MTHFD2L: variants seen among roughly 807,000 people sequenced by gnomAD.
MTHFD2L encodes the protein bifunctional methylenetetrahydrofolate dehydrogenase/cyclohydrolase 2, mitochondrial.
Under a neutral mutation model 34.9 loss-of-function variants are expected in MTHFD2L, and 29 were observed. That is an observed-to-expected ratio of 0.83 (90% CI 0.62 to 1.13). The LOEUF is 1.13. Ranked by LOEUF, MTHFD2L falls within the 50% of genes most tolerant of loss-of-function variation. The pLI is 0.00. For synonymous variants in MTHFD2L, 167 were observed against 155.7 expected (o/e 1.07, Z -0.54); for missense variants, 481 against 446.5 (o/e 1.08, Z -0.70).
At chr4:74,300,146 G>C (rs1038507065) in intron 7 of MTHFD2L, among the ~76,000 whole-genome samples, 2 of 152,000 alleles carry the variant, frequency 1.3e-5, no homozygotes, top group African/African-American at 4.8e-5. Context: ...TGTGCTTTCT[G>C]TATAGAGACG....
At chr4:74,224,346 C>A (rs1738798195) in intron 5 of MTHFD2L, among the ~76,000 whole-genome samples, 1 of 152,130 alleles carries the variant, frequency 6.6e-6, no homozygotes, top group Non-Finnish European at 1.5e-5. Flanking sequence ...CATTTCTTTG[C>A]TGCCTTTCTC....
At chr4:74,253,356 G>A (rs9992393) in intron 6 of MTHFD2L, among the ~76,000 whole-genome samples, 39,360 of 152,030 alleles carry the variant, frequency 0.26, 5,424 homozygotes, top group African/African-American at 0.35. Flanking sequence ...CTTCCTCACA[G>A]AAACATGAAT....
At chr4:74,163,526 G>T (rs1034589765) in intron 1 of MTHFD2L, among the ~76,000 whole-genome samples, 25 of 152,172 alleles carry the variant, frequency 1.6e-4, no homozygotes, top group African/African-American at 5.5e-4. Context: ...TAATGAAAAG[G>T]TATTTTACTT....
chr4:74,168,782 A>C (rs1727295207), intron 1 of MTHFD2L, among the ~76,000 whole-genome samples: 1 of 152,218 alleles, frequency 6.6e-6, no homozygotes, highest in Non-Finnish European at 1.5e-5. Flanking sequence ...AGAGGAGATC[A>C]AGACAAGCCG....
chr4:74,287,145 A>G (rs1021743380), intron 7 of MTHFD2L, among the ~76,000 whole-genome samples: 1 of 152,164 alleles, frequency 6.6e-6, no homozygotes, highest in African/African-American at 2.4e-5. Context: ...TATGGAAAAG[A>G]ATGTCTACTC....
intron 1 of MTHFD2L, among the ~76,000 whole-genome samples, chr4:74,132,419 T>G (rs1193970864): frequency 6.6e-6 from 1 of 152,152 alleles, no homozygotes; most frequent in Non-Finnish European, 1.5e-5. Flanking sequence ...TAAAAAAGGA[T>G]GAGTTCACAT....
intron 1 of MTHFD2L, among the ~76,000 whole-genome samples, chr4:74,141,897 AG>A (rs1403024959): frequency 6.6e-6 from 1 of 152,218 alleles, no homozygotes; most frequent in Non-Finnish European, 1.5e-5. Flanking sequence ...GCAGTTACAC[AG>A]TTAAATAAAT....
At chr4:74,166,878 C>T (rs1726828665) in intron 1 of MTHFD2L, among the ~76,000 whole-genome samples, 1 of 152,190 alleles carries the variant, frequency 6.6e-6, no homozygotes, top group Admixed American at 6.5e-5. Context: ...GCACCCAACC[C>T]CATGGTTCTA....
chr4:74,194,797 T>C (rs1733181783), intron 3 of MTHFD2L: 1 of 152,226 alleles, frequency 6.6e-6, no homozygotes, highest in Non-Finnish European at 1.5e-5. Flanking sequence ...CACTGAGCTG[T>C]AACCAATCCA....
At chr4:74,233,049 C>T (rs1279065575) in intron 6 of MTHFD2L, among the ~76,000 whole-genome samples, 1 of 151,854 alleles carries the variant, frequency 6.6e-6, no homozygotes, top group East Asian at 1.9e-4. Flanking sequence ...TACTTATATT[C>T]TAAAAACAAA....
intron 1 of MTHFD2L, among the ~76,000 whole-genome samples, chr4:74,164,344 G>C (rs576597079): frequency 6.6e-6 from 1 of 152,294 alleles, no homozygotes; most frequent in Admixed American, 6.5e-5. Flanking sequence ...TTGTGGAAGA[G>C]TATTTTGATA....
intron 6 of MTHFD2L, among the ~76,000 whole-genome samples, chr4:74,263,732 G>A (rs1744961508): frequency 1.3e-5 from 2 of 152,012 alleles, no homozygotes; most frequent in African/African-American, 4.8e-5. Context: ...TTCTGGCTGA[G>A]ACTGTGGGGT....
At chr4:74,289,486 A>G (rs1250095191) in intron 7 of MTHFD2L, among the ~76,000 whole-genome samples, 8 of 152,208 alleles carry the variant, frequency 5.3e-5, no homozygotes, top group Admixed American at 5.2e-4. Flanking sequence ...AGACCAAGGA[A>G]GGATATTTGG....
chr4:74,159,745 A>G (rs967872991), intron 1 of MTHFD2L, among the ~76,000 whole-genome samples: 1 of 152,232 alleles, frequency 6.6e-6, no homozygotes, highest in African/African-American at 2.4e-5. Flanking sequence ...GTTGAGTGCA[A>G]AGGTTTTGGA....
Position 74,281,560 on chromosome 4 carries a change from C to G in MTHFD2L, c.931+10C>G. The G allele has an allele frequency of 6.2e-7, 1 of 1,606,698 alleles. No homozygotes were observed. The highest frequency in any genetic ancestry group is 8.5e-7 in the Non-Finnish European group (1 of 1,176,998). On this transcript the variant is annotated intron_variant, in intron 7 of 7. Coordinates refer to ENST00000325278, the MANE Select transcript of MTHFD2L (RefSeq NM_001144978.3). The stretch of plus-strand genomic sequence containing the variant: ...GATGTGGACTTCGAAGGTAATAAAC[C>G]AATATCTTTTGATAGGTGAAGAAGA...
chr4:74,219,498 T>A (rs911934195), intron 5 of MTHFD2L, among the ~76,000 whole-genome samples: 1 of 152,008 alleles, frequency 6.6e-6, no homozygotes, highest in African/African-American at 2.4e-5. Context: ...AGAAAAAAAT[T>A]AGGTGCAGCA....
Position 74,243,489 on chromosome 4 carries a change from T to C in MTHFD2L, c.805+18095T>C, listed in dbSNP as rs145639521. Among the ~76,000 whole-genome samples the C allele has an allele frequency of 5.1e-4, 77 of 152,294 alleles. No homozygotes were observed. In the East Asian group the frequency reaches 9.1e-3, roughly 18 times the overall value. On this transcript the variant is annotated intron_variant, in intron 6 of 7. Transcript: ENST00000325278. ...TTCTTAAATCCACATTTCTGGACTT[T>C]GCTGATTTTTAAAAACAAATATTTG...
chr4:74,186,964 G>A (rs1731403436), intron 3 of MTHFD2L, among the ~76,000 whole-genome samples: 1 of 152,068 alleles, frequency 6.6e-6, no homozygotes, highest in Non-Finnish European at 1.5e-5. Context: ...TAGAAAATCA[G>A]ATCAATGAAA....
chr4:74,220,358 C>T (rs1022490155), intron 5 of MTHFD2L, among the ~76,000 whole-genome samples: 2 of 151,830 alleles, frequency 1.3e-5, no homozygotes, highest in African/African-American at 2.4e-5. Context: ...AAGGTGGTAC[C>T]AACTAAAATA....
Sources: gnomAD v4.1 joint callset for allele counts (sites outside exome capture counted in the v4.1 genomes callset) on GRCh38, gnomAD v4.1.1 for gene constraint, MANE v1.5 for transcripts, NCBI Gene and HGNC (gene_info 2026-07-23, HGNC 2026-07-21) for gene names.